The following GOLGB1 variants were observed in gnomAD, a reference collection of about 807,000 sequenced individuals.
GOLGB1 encodes golgin B1.
In GOLGB1, 174 loss-of-function variants were observed where a neutral mutation model predicts 336.9. The observed-to-expected ratio is 0.52, with a 90% CI of 0.46 to 0.59. The LOEUF is 0.59. Among genes scored for constraint, GOLGB1 ranks in the 20% least tolerant of loss-of-function variants. GOLGB1 has a pLI of 0.00. For missense variants in GOLGB1, 3,331 were observed against 3,645.3 expected, an observed-to-expected ratio of 0.91 and a Z score of 2.22; for synonymous variants, 1,208 against 1,289.2, an observed-to-expected ratio of 0.94 and a Z score of 1.35.
intron 14 of GOLGB1, among the ~76,000 whole-genome samples, chr3:121,688,774 T>C (rs980045060): frequency 2.0e-5 from 3 of 147,930 alleles, no homozygotes; most frequent in African/African-American, 7.6e-5. Context: ...TCGTCTGAGA[T>C]GTGGAGAGCG....
At chr3:121,748,976 T>C in intron 1 of GOLGB1, 2 of 965,582 alleles carry the variant, frequency 2.1e-6, no homozygotes, top group Non-Finnish European at 2.5e-6. Context: ...GAGAACTCTC[T>C]TAGAGGTTCC....
At chr3:121,702,981 G>C (rs1943527121) in intron 10 of GOLGB1, among the ~76,000 whole-genome samples, 1 of 152,186 alleles carries the variant, frequency 6.6e-6, no homozygotes, top group South Asian at 2.1e-4. Context: ...AACATGAAGA[G>C]AGGTTCCACA....
chr3:121,748,989 T>G, intron 1 of GOLGB1: 6 of 872,798 alleles, frequency 6.9e-6, no homozygotes, highest in Non-Finnish European at 8.3e-6. Flanking sequence ...GAGGTTCCTT[T>G]TTCTCTAACA....
chr3:121,710,720 G>T (rs1944284081), intron 10 of GOLGB1, among the ~76,000 whole-genome samples: 1 of 152,188 alleles, frequency 6.6e-6, no homozygotes, highest in African/African-American at 2.4e-5. Context: ...AGCCGGGCAT[G>T]GTGGCATGTG....
At chr3:121,688,059 G>C (rs1941941736) in intron 14 of GOLGB1, among the ~76,000 whole-genome samples, 2 of 152,186 alleles carry the variant, frequency 1.3e-5, no homozygotes, top group African/African-American at 4.8e-5. Context: ...AGTGAGATAG[G>C]AATGAATACA....
intron 6 of GOLGB1, 110 bp from the exon 7 acceptor site, chr3:121,719,878 T>G (rs1456476930): frequency 1.1e-6 from 1 of 923,016 alleles, no homozygotes; most frequent in African/African-American, 1.7e-5. Flanking sequence ...TAGTAGCTTT[T>G]TAAAGTGAAA....
In GOLGB1 at chr3:121,691,442, A is replaced by G. The variant is rs750740492; in HGVS notation, c.7922T>C (p.Val2641Ala). The G allele has an allele frequency of 6.2e-7, 1 of 1,613,624 alleles. No individual in the cohort carries two copies. Among genetic ancestry groups the G allele is most frequent in the African/African-American group, 1.3e-5 (1 of 74,922 alleles). The change falls in exon 14 of 22, where the codon GTA becomes GCA. Residue 2641 changes from valine to alanine, a missense_variant. By Grantham distance (64) the Val-to-Ala change is moderately conservative. Coordinates refer to ENST00000614479, the MANE Select transcript of GOLGB1 (RefSeq NM_001366282.2). ...TLGLYHAQLKVKEEEVHRLSA... is the reference protein window; with the variant it reads ...TLGLYHAQLKAKEEEVHRLSA... ...TAACCTGTGTACCTCTTCTTCTTTTACTTTTAACTGGGCATGATAGAGTCC... is the reference window on the plus strand; with the variant it reads ...TAACCTGTGTACCTCTTCTTCTTTTGCTTTTAACTGGGCATGATAGAGTCC...
In GOLGB1 at chr3:121,697,583, T is replaced by C. The variant is rs1943054068; in HGVS notation, c.2940A>G (p.Glu980=). ...EMSPAGQISK[E]ELQHEFDLLK... ...GAAGGTCAAATTCATGCTGAAGTTC[T>C]TCCTTACTTATTTGTCCTGCTGGGC... The change falls in exon 13 of 22, where the codon GAA becomes GAG. Residue 980 remains glutamate (E), a synonymous_variant. Coordinates refer to ENST00000614479, the MANE Select transcript of GOLGB1 (RefSeq NM_001366282.2). 1 of 1,613,776 alleles carries C rather than the reference T, an allele frequency of 6.2e-7. No homozygotes were observed.
Position 121,677,393 on chromosome 3 carries a change from C to T in GOLGB1, c.8931G>A (p.Met2977Ile). Reference sequence around the variant, plus strand: ...GCTGCTGATCTTTATCTGAGATAGCCATAAGGTACTGTTCCTTCATTCTCC... The same window carrying T: ...GCTGCTGATCTTTATCTGAGATAGCTATAAGGTACTGTTCCTTCATTCTCC... ...HERRMKEQYLMAISDKDQQLS... is the reference protein window; with the variant it reads ...HERRMKEQYLIAISDKDQQLS... The change falls in exon 16 of 22, where the codon ATG (methionine) becomes ATA (isoleucine). Residue 2977 changes from methionine (M) to isoleucine (I), a missense_variant. Coordinates refer to ENST00000614479, the MANE Select transcript of GOLGB1 (RefSeq NM_001366282.2). The T allele has an allele frequency of 6.2e-7, 1 of 1,605,988 alleles. No homozygotes were observed. Among genetic ancestry groups the T allele is most frequent in the Non-Finnish European group, 8.5e-7 (1 of 1,172,654 alleles).
chr3:121,717,005 G>A lies in GOLGB1; in HGVS notation c.1020C>T (p.Phe340=). ...GATGCATTTCTTCCTGCAGATTATG[G>A]AAGGATAATTTTCTCTCTGCCACTT... The part of the protein sequence containing the change: ...ELEVAERKLS[F]HNLQEEMHHL... Residue 340 remains phenylalanine (F), a synonymous_variant, in exon 9 of 22, where the codon TTC becomes TTT. Coordinates refer to ENST00000614479, the MANE Select transcript of GOLGB1 (RefSeq NM_001366282.2). The A allele has an allele frequency of 6.2e-7, 1 of 1,614,012 alleles. No individual in the cohort carries two copies. Among genetic ancestry groups the A allele is most frequent in the Non-Finnish European group, 8.5e-7 (1 of 1,179,986 alleles).
rs1466330776 is a variant in GOLGB1 at position 121,698,060 on chromosome 3, C to T, written c.2463G>A (p.Gln821=). 6.2e-7 allele frequency: 1 copy of T among 1,613,978 alleles called. No homozygotes were observed. The highest frequency in any genetic ancestry group is 8.5e-7 in the Non-Finnish European group (1 of 1,179,974). The change falls in exon 13 of 22, where the codon CAG becomes CAA. Residue 821 remains glutamine, a synonymous_variant. Transcript: ENST00000614479. ...GAAGCTGCACATCATCCAGTTCATT[C>T]TGTAAAACTTCAATTTTCACATCTT... ...KSKDVKIEVL[Q]NELDDVQLQF...
rs897174241 is a variant in GOLGB1, at chr3:121,676,807, C to T, written c.9177+86G>A. The T allele has an allele frequency of 3.5e-6, 4 of 1,152,052 alleles. No homozygotes were observed. The African/African-American group carries it at 6.1e-5, about 17-fold the overall frequency. The allele number at this position is 1,152,052 out of a possible 1,614,324, so 71.4% of individuals were successfully genotyped here. A position where few individuals can be genotyped will look rare whatever the true frequency, so the allele number is the denominator to read the frequency against. On this transcript the variant is annotated intron_variant, in intron 17 of 21. Coordinates refer to ENST00000614479, the MANE Select transcript of GOLGB1 (RefSeq NM_001366282.2). ...ACCCTAAGATATGCTACAGCTGGGA[C>T]TCTATGCTGAATTGGCTTCTACTTG...
At chr3:121,726,596 G>GA (rs1945634915) in intron 5 of GOLGB1, among the ~76,000 whole-genome samples, 1 of 150,336 alleles carries the variant, frequency 6.7e-6, no homozygotes, top group African/African-American at 2.4e-5. Flanking sequence ...TAAAAAAACA[G>GA]AAAAAACACA....
At chr3:121,702,968 A>G (rs1943526392) in intron 10 of GOLGB1, among the ~76,000 whole-genome samples, 1 of 152,226 alleles carries the variant, frequency 6.6e-6, no homozygotes, top group African/African-American at 2.4e-5. Context: ...CTGAAGGAGA[A>G]TGAACATGAA....
intron 15 of GOLGB1, among the ~76,000 whole-genome samples, chr3:121,680,843 C>G (rs1940989608): frequency 6.6e-6 from 1 of 152,088 alleles, no homozygotes; most frequent in Non-Finnish European, 1.5e-5. Context: ...AAGACATGAA[C>G]AGATATTTCA....
intron 4 of GOLGB1, among the ~76,000 whole-genome samples, chr3:121,727,322 T>A (rs6801164): frequency 0.019 from 465 of 24,166 alleles, no homozygotes; most frequent in Non-Finnish European, 0.024. Flanking sequence ...ATATATATAT[T>A]TTTTTTTTTT....
chr3:121,669,326 G>A lies in GOLGB1; in HGVS notation c.9207C>T (p.Thr3069=), dbSNP rs759885981. The part of the protein sequence containing the change: ...NFSQLLEEKN[T]LSIQLCDTSQ... Reference sequence around the variant, plus strand: ...TGGTATCGCAGAGCTGAATGGAAAGGGTGTTTTTCTCTTCCAGTAGCTGAG... The same window carrying A: ...TGGTATCGCAGAGCTGAATGGAAAGAGTGTTTTTCTCTTCCAGTAGCTGAG... Residue 3069 remains threonine, a synonymous_variant, in exon 18 of 22, where the codon ACC becomes ACT. Transcript: ENST00000614479. 1.2e-6 allele frequency: 2 copies of A among 1,613,952 alleles called. No homozygotes were observed. Among genetic ancestry groups the A allele is most frequent in the Non-Finnish European group, 8.5e-7 (1 of 1,179,836 alleles).
At chr3:121,665,181 G>C in intron 20 of GOLGB1, 150 bp from the exon 21 acceptor site, 2 of 597,648 alleles carry the variant, frequency 3.3e-6, no homozygotes, top group South Asian at 4.1e-5. Flanking sequence ...CATGCAAGGG[G>C]GGTACCAGCA....
At chr3:121,665,514 C>T (rs1351099415) in intron 20 of GOLGB1, among the ~76,000 whole-genome samples, 1 of 152,206 alleles carries the variant, frequency 6.6e-6, no homozygotes, top group Non-Finnish European at 1.5e-5. Context: ...TAGGCAAAAG[C>T]ATCCAAAGAA....
Sources: allele counts gnomAD v4.1 joint callset (sites outside exome capture counted in the v4.1 genomes callset), GRCh38; gene constraint gnomAD v4.1.1; transcripts MANE v1.5; gene names NCBI Gene and HGNC (gene_info 2026-07-23, HGNC 2026-07-21).